Variants in PTPRD observed in about 807,000 individuals in gnomAD.
The protein encoded by PTPRD is protein tyrosine phosphatase receptor type D, also known as receptor-type tyrosine-protein phosphatase delta.
In PTPRD, 34 loss-of-function variants were observed where a neutral mutation model predicts 214.5. That is an observed-to-expected ratio of 0.16 (90% CI 0.12 to 0.21). The LOEUF is 0.21. Ranked by LOEUF, PTPRD falls within the 10% of genes least tolerant of loss-of-function variation. The probability of loss-of-function intolerance (pLI) is 1.00; values close to 1 mark genes in which losing one functional copy is unlikely to be tolerated. For missense variants in PTPRD, 2,545 were observed against 2,398.7 expected, an observed-to-expected ratio of 1.06 and a Z score of -1.27; for synonymous variants, 1,128 against 845.7, an observed-to-expected ratio of 1.33 and a Z score of -5.79.
intron 5 of PTPRD, among the ~76,000 whole-genome samples, chr9:9,818,127 C>T (rs2049379938): frequency 6.6e-6 from 1 of 152,118 alleles, no homozygotes; most frequent in Non-Finnish European, 1.5e-5. Flanking sequence ...GTATCACTGA[C>T]ATGGAGAATG....
At chr9:10,305,777 T>C (rs1363529291) in intron 3 of PTPRD, among the ~76,000 whole-genome samples, 1 of 152,128 alleles carries the variant, frequency 6.6e-6, no homozygotes, top group African/African-American at 2.4e-5. Context: ...AAACAACAGA[T>C]GCCGGAGAGG....
chr9:10,307,187 T>C (rs186589119), intron 3 of PTPRD, among the ~76,000 whole-genome samples: 125 of 141,246 alleles, frequency 8.8e-4, no homozygotes, highest in African/African-American at 3.6e-3. Flanking sequence ...GAAATGTATG[T>C]TTTTACCAAT....
At chr9:9,836,873 C>T (rs13288990) in intron 5 of PTPRD, among the ~76,000 whole-genome samples, 17,248 of 152,094 alleles carry the variant, frequency 0.11, 1,088 homozygotes, top group South Asian at 0.19. Flanking sequence ...TAGAAAACTA[C>T]CATATCAAGA....
intron 3 of PTPRD, among the ~76,000 whole-genome samples, chr9:10,187,621 G>T (rs1186912333): frequency 6.6e-6 from 1 of 152,096 alleles, no homozygotes; most frequent in Non-Finnish European, 1.5e-5. Flanking sequence ...TAGGTACATC[G>T]CTCTCCAATA....
chr9:8,809,787 T>G (rs1471677717), intron 11 of PTPRD, among the ~76,000 whole-genome samples: 1 of 152,228 alleles, frequency 6.6e-6, no homozygotes, highest in East Asian at 1.9e-4. Flanking sequence ...GATAATTTGA[T>G]ATGACGGGTG....
intron 8 of PTPRD, among the ~76,000 whole-genome samples, chr9:9,453,570 G>C (rs1010476707): frequency 2.6e-5 from 4 of 151,390 alleles, no homozygotes; most frequent in Non-Finnish European, 5.9e-5. Flanking sequence ...GGTAACTCTT[G>C]GTAATTACCA....
intron 8 of PTPRD, among the ~76,000 whole-genome samples, chr9:9,427,547 A>C (rs2081420651): frequency 6.7e-6 from 1 of 150,176 alleles, no homozygotes; most frequent in South Asian, 2.1e-4. Flanking sequence ...CATTGAAATC[A>C]GGAAACACAG....
rs2135945750 is a variant in PTPRD, at chr9:8,486,070, T to C, written c.2747A>G (p.Glu916Gly). 6.2e-7 allele frequency: 1 copy of C among 1,614,190 alleles called. No homozygotes were observed. The highest frequency in any genetic ancestry group is 1.6e-4 in the Middle Eastern group (1 of 6,062). ...EMVKEISIPE[E>G]VPTGFPQNLH... ...GTTTTGAGGGAATCCAGTTGGTACT[T>C]CTTCTGGAATGGAAATCTCCTTCAC... The change falls in exon 28 of 46, where the codon GAA becomes GGA. Residue 916 changes from glutamate to glycine, a missense_variant. Coordinates refer to ENST00000381196, the MANE Select transcript of PTPRD (RefSeq NM_002839.4).
chr9:8,782,745 A>C (rs112696215), intron 11 of PTPRD, among the ~76,000 whole-genome samples: 9,020 of 151,858 alleles, frequency 0.059, 287 homozygotes, highest in African/African-American at 0.072. Context: ...TTACAGGCGC[A>C]CACCACCACC....
intron 35 of PTPRD, among the ~76,000 whole-genome samples, chr9:8,419,390 T>C (rs985613924): frequency 6.6e-6 from 1 of 152,098 alleles, no homozygotes; most frequent in Non-Finnish European, 1.5e-5. Context: ...ATTCAGTCTT[T>C]ACACAGAGTG....
chr9:8,693,574 T>C (rs1392767563), intron 12 of PTPRD, among the ~76,000 whole-genome samples: 2 of 152,206 alleles, frequency 1.3e-5, no homozygotes, highest in East Asian at 1.9e-4. Context: ...CAGGAGCTCA[T>C]ATTCTACGAG....
intron 11 of PTPRD, among the ~76,000 whole-genome samples, chr9:8,899,663 G>A (rs1055887219): frequency 1.3e-5 from 2 of 152,164 alleles, no homozygotes; most frequent in Non-Finnish European, 2.9e-5. Flanking sequence ...TGTTTAGACT[G>A]GAGTAGTTGC....
chr9:9,293,172 TAGG>T (rs1379178699), intron 9 of PTPRD, among the ~76,000 whole-genome samples: 1 of 151,564 alleles, frequency 6.6e-6, no homozygotes, highest in Non-Finnish European at 1.5e-5. Context: ...TTCTTCTGCA[TAGG>T]AGATTTGTCT....
chr9:9,298,074 A>T (rs1273464638), intron 9 of PTPRD, among the ~76,000 whole-genome samples: 1 of 151,730 alleles, frequency 6.6e-6, no homozygotes, highest in Non-Finnish European at 1.5e-5. Flanking sequence ...GGGTAAAAGA[A>T]AACTCCACAT....
intron 5 of PTPRD, among the ~76,000 whole-genome samples, chr9:9,817,409 G>C (rs551624194): frequency 1.3e-5 from 2 of 152,128 alleles, no homozygotes; most frequent in African/African-American, 4.8e-5. Context: ...GTGGAAGTAA[G>C]TTGGTTATTT....
chr9:9,724,350 T>A (rs775301274), intron 7 of PTPRD, among the ~76,000 whole-genome samples: 1 of 152,178 alleles, frequency 6.6e-6, no homozygotes, highest in Non-Finnish European at 1.5e-5. Flanking sequence ...AGGGTGTTTA[T>A]CATCTCTCAA....
intron 6 of PTPRD, among the ~76,000 whole-genome samples, chr9:9,738,540 T>C (rs981503408): frequency 6.9e-6 from 1 of 144,164 alleles, no homozygotes; most frequent in Admixed American, 7.2e-5. Context: ...GCCTCCTGGG[T>C]TCAAGTGATT....
At chr9:10,354,927 G>A (rs2097249600) in intron 2 of PTPRD, among the ~76,000 whole-genome samples, 2 of 152,104 alleles carry the variant, frequency 1.3e-5, no homozygotes, top group South Asian at 4.1e-4. Flanking sequence ...GTGTCCCATT[G>A]TCCTTGATGA....
At chr9:9,954,504 A>G (rs2093739057) in intron 4 of PTPRD, among the ~76,000 whole-genome samples, 1 of 151,938 alleles carries the variant, frequency 6.6e-6, no homozygotes, top group Non-Finnish European at 1.5e-5. Context: ...ATTACTTATA[A>G]AATACATAAT....
Sources: allele counts gnomAD v4.1 joint callset (sites outside exome capture counted in the v4.1 genomes callset), GRCh38; gene constraint gnomAD v4.1.1; transcripts MANE v1.5; gene names NCBI Gene and HGNC (gene_info 2026-07-23, HGNC 2026-07-21).